Variants in PTBP3 observed in about 807,000 individuals in gnomAD.
PTBP3 encodes polypyrimidine tract binding protein 3.
PTBP3 carries 20 observed loss-of-function variants against 58.7 expected under a neutral mutation model. The ratio of observed to expected loss-of-function variants is 0.34; its 90% CI spans 0.24 to 0.50. The LOEUF (loss-of-function observed/expected upper bound fraction) is 0.50, where lower values mean the gene tolerates loss of function less well. Ranked by LOEUF, PTBP3 falls within the 20% of genes least tolerant of loss-of-function variation. The pLI is 0.98. For missense variants in PTBP3, 509 were observed against 637.2 expected (o/e 0.80, Z 2.17); for synonymous variants, 185 against 219.8 (o/e 0.84, Z 1.40).
Position 112,219,646 on chromosome 9 carries a change from A to G in PTBP3, c.*4205T>C, listed in dbSNP as rs1178449752. ...AACTGAGACTTTATTTATAGTTACA[A>G]TTCTTTGCTTGGATGAATAGTTGGT... On this transcript the variant is annotated 3_prime_UTR_variant, in exon 14 of 14. Coordinates refer to ENST00000374257, the MANE Select transcript of PTBP3 (RefSeq NM_001163788.4). 3 of 152,676 alleles carry G rather than the reference A, an allele frequency of 2.0e-5. No homozygotes were observed. The East Asian group carries it at 5.8e-4, about 29-fold the overall frequency. The allele number at this position is 152,676 out of a possible 1,614,324, so 9.5% of individuals were successfully genotyped here.
intron 4 of PTBP3, among the ~76,000 whole-genome samples, chr9:112,265,157 T>C (rs1836745417): frequency 8.7e-6 from 1 of 114,690 alleles, no homozygotes; most frequent in Non-Finnish European, 1.7e-5. Context: ...GATATATTAA[T>C]CAGTTAATTT....
intron 4 of PTBP3, among the ~76,000 whole-genome samples, chr9:112,264,026 G>A (rs1024455521): frequency 4.6e-5 from 7 of 151,780 alleles, no homozygotes; most frequent in African/African-American, 1.7e-4. Context: ...TGAAGGAGCA[G>A]AATTCCTATT....
At chr9:112,348,220 C>T in the PTBP3 span, among the ~76,000 whole-genome samples, 2 of 152,200 alleles carry the variant, frequency 1.3e-5, no homozygotes, top group African/African-American at 2.4e-5. Context: ...CAAGGAATGT[C>T]GGGCGGCCAT....
In PTBP3 at chr9:112,261,289, A is replaced by AG. The variant is rs140056919; in HGVS notation, c.516+1145dup. 8.4e-3 allele frequency among the ~76,000 whole-genome samples: 1,285 copies of AG among 152,328 alleles called. 24 individuals carry two copies. Among genetic ancestry groups the AG allele is most frequent in the African/African-American group, 0.029 (1,224 of 41,562 alleles). On this transcript the variant is annotated intron_variant, in intron 5 of 13. Transcript: ENST00000374257. ...AAAATGGTACTCAGAAAACTATCAAAGGGGAAACCCAGTACGCCTACTCAA... is the reference window on the plus strand; with the variant it reads ...AAAATGGTACTCAGAAAACTATCAAAGGGGGAAACCCAGTACGCCTACTCAA...
intron 2 of PTBP3, among the ~76,000 whole-genome samples, chr9:112,293,838 G>C (rs1472390964): frequency 1.3e-5 from 2 of 152,094 alleles, no homozygotes; most frequent in African/African-American, 4.8e-5. Flanking sequence ...GAGGATAAAA[G>C]AACAACAAAA....
At chr9:112,238,813 A>C (rs1345804789) in intron 7 of PTBP3, among the ~76,000 whole-genome samples, 2 of 152,174 alleles carry the variant, frequency 1.3e-5, no homozygotes, top group Non-Finnish European at 2.9e-5. Flanking sequence ...ACTCAGCAAA[A>C]ATAACTCTTA....
intron 1 of PTBP3, among the ~76,000 whole-genome samples, chr9:112,327,089 AGC>A (rs1368957536): frequency 1.3e-5 from 2 of 151,976 alleles, no homozygotes; most frequent in Non-Finnish European, 2.9e-5. Context: ...GTGTGGTCCT[AGC>A]TACTCAGGAG....
intron 5 of PTBP3, among the ~76,000 whole-genome samples, chr9:112,259,131 T>C (rs1261702642): frequency 2.0e-5 from 3 of 152,184 alleles, no homozygotes; most frequent in African/African-American, 4.8e-5. Flanking sequence ...TTTTGTATTT[T>C]TGGTACAGAT....
intron 1 of PTBP3, among the ~76,000 whole-genome samples, chr9:112,298,299 C>A (rs574598753): frequency 1.3e-5 from 2 of 152,144 alleles, no homozygotes; most frequent in Non-Finnish European, 2.9e-5. Context: ...CTTTTCAATA[C>A]CAACGTATTT....
rs374111177 is a variant in PTBP3 at position 112,299,929 on chromosome 9, C to T, written c.-51-2013G>A. ...AGTGTAGCTCCATAACAGCTACCAC[C>T]ATTGTAAGTGAACAAGAAATAAATG... On this transcript the variant is annotated intron_variant, in intron 1 of 13. Coordinates refer to ENST00000374257, the MANE Select transcript of PTBP3 (RefSeq NM_001163788.4). 3.3e-5 allele frequency among the ~76,000 whole-genome samples: 5 copies of T among 152,324 alleles called. No homozygotes were observed. In the East Asian group the frequency reaches 9.6e-4, roughly 29 times the overall value.
chr9:112,351,364 TAC>T, the PTBP3 span, among the ~76,000 whole-genome samples: 1 of 152,212 alleles, frequency 6.6e-6, no homozygotes, highest in Non-Finnish European at 1.5e-5. Flanking sequence ...GGAGAAAGAC[TAC>T]AGAGATAAAG....
the PTBP3 span, among the ~76,000 whole-genome samples, chr9:112,371,506 T>C: frequency 6.6e-6 from 1 of 152,176 alleles, no homozygotes; most frequent in South Asian, 2.1e-4. Flanking sequence ...TATAAAATTA[T>C]TACCTTGGAG....
At chr9:112,373,289 C>T in the PTBP3 span, among the ~76,000 whole-genome samples, 1 of 152,128 alleles carries the variant, frequency 6.6e-6, no homozygotes, top group African/African-American at 2.4e-5. Context: ...GTCTGAGCCC[C>T]AAAACTGAAA....
rs1252202252 is a variant in PTBP3 at position 112,223,232 on chromosome 9, G to A, written c.*619C>T. 1.1e-6 allele frequency: 1 copy of A among 939,962 alleles called. No homozygotes were observed. The highest frequency in any genetic ancestry group is 1.3e-6 in the Non-Finnish European group (1 of 788,456). 58.2% of individuals were successfully genotyped at this position (939,962 alleles called of 1,614,324 possible). On this transcript the variant is annotated 3_prime_UTR_variant, in exon 14 of 14. Coordinates refer to ENST00000374257, the MANE Select transcript of PTBP3 (RefSeq NM_001163788.4). ...AAGTTAAAGATAGGCATTATTTAAA[G>A]GAGTGTCTTACAGTGAAAAAAAGAA...
At chr9:112,251,628 T>A (rs1836121111) in intron 6 of PTBP3, among the ~76,000 whole-genome samples, 1 of 152,116 alleles carries the variant, frequency 6.6e-6, no homozygotes, top group Non-Finnish European at 1.5e-5. Flanking sequence ...TTGTAATACT[T>A]TGAATAATAA....
the PTBP3 span, among the ~76,000 whole-genome samples, chr9:112,366,526 C>T: frequency 3.5e-4 from 53 of 152,076 alleles, no homozygotes; most frequent in Non-Finnish European, 4.4e-4. Context: ...CCATGGCTTC[C>T]GAGGGTTCAA....
chr9:112,335,688 C>T (rs28412925), upstream of PTBP3, among the ~76,000 whole-genome samples: 1 of 140,482 alleles, frequency 7.1e-6, no homozygotes, highest in East Asian at 2.3e-4. Context: ...TTTGGGAGGC[C>T]GAGGCGGGCA....
At chr9:112,269,273 TA>T (rs752568500) in intron 3 of PTBP3, among the ~76,000 whole-genome samples, 1 of 148,514 alleles carries the variant, frequency 6.7e-6, no homozygotes, top group Admixed American at 6.7e-5. Flanking sequence ...TGGGGGCAAT[TA>T]GGGGGTAAAA....
the PTBP3 span, among the ~76,000 whole-genome samples, chr9:112,374,751 TC>T: frequency 6.6e-6 from 1 of 152,188 alleles, no homozygotes; most frequent in Non-Finnish European, 1.5e-5. Context: ...ATTCTGTGAG[TC>T]CATGGATGGT....
Sources: gnomAD v4.1 joint callset for allele counts (sites outside exome capture counted in the v4.1 genomes callset) on GRCh38, gnomAD v4.1.1 for gene constraint, MANE v1.5 for transcripts, NCBI Gene and HGNC (gene_info 2026-07-23, HGNC 2026-07-21) for gene names.